HIP1: variants seen among roughly 807,000 people sequenced by gnomAD.
The protein encoded by HIP1 is huntingtin interacting protein 1.
In HIP1, 65 loss-of-function variants were observed where a neutral mutation model predicts 147.6. The observed-to-expected ratio is 0.44, with a 90% CI of 0.36 to 0.54. The LOEUF (loss-of-function observed/expected upper bound fraction) is 0.54, where lower values mean the gene tolerates loss of function less well. Among genes scored for constraint, HIP1 ranks in the 20% least tolerant of loss-of-function variants. The pLI is 0.00. For synonymous variants in HIP1, 479 were observed against 504.0 expected (o/e 0.95, Z 0.67); for missense variants, 1,061 against 1,299.6 (o/e 0.82, Z 2.82).
intron 11 of HIP1, 39 bp downstream of exon 11, chr7:75,562,896 G>T: frequency 6.2e-7 from 1 of 1,610,008 alleles, no homozygotes; most frequent in South Asian, 1.1e-5. Flanking sequence ...ACTTGCAGGT[G>T]AGAGGAAAGG....
At position 75,549,670 on chromosome 7, in the gene HIP1, C is replaced by T. The variant is rs115757513; in HGVS notation, c.2296-669G>A. 6.5e-3 allele frequency among the ~76,000 whole-genome samples: 977 copies of T among 151,018 alleles called. 14 individuals carry two copies. Among genetic ancestry groups the T allele is most frequent in the African/African-American group, 0.023 (940 of 41,186 alleles). ...CAGGTGTAAGCCACCACACCTGGCC[C>T]TAATTTTTTATTTTTTTGAGACACA... On this transcript the variant is annotated intron_variant, in intron 22 of 30. Coordinates refer to ENST00000336926, the MANE Select transcript of HIP1 (RefSeq NM_005338.7).
chr7:75,614,213 C>T (rs988879931), intron 1 of HIP1, among the ~76,000 whole-genome samples: 1 of 152,176 alleles, frequency 6.6e-6, no homozygotes, highest in African/African-American at 2.4e-5. Flanking sequence ...CCACACCCAG[C>T]TAATTTTTGT....
chr7:75,697,067 T>C (rs1317856773), intron 1 of HIP1, among the ~76,000 whole-genome samples: 8 of 152,106 alleles, frequency 5.3e-5, no homozygotes, highest in African/African-American at 1.9e-4. Flanking sequence ...TATCCAGGCA[T>C]GCAGCCTAAG....
intron 1 of HIP1, among the ~76,000 whole-genome samples, chr7:75,640,380 G>A (rs534343085): frequency 1.3e-5 from 2 of 152,348 alleles, no homozygotes; most frequent in South Asian, 4.1e-4. Flanking sequence ...CCCAAGCCCA[G>A]AAGGGCTTCC....
intron 1 of HIP1, among the ~76,000 whole-genome samples, chr7:75,645,465 G>T (rs2117172988): frequency 1.3e-5 from 2 of 152,262 alleles, no homozygotes; most frequent in South Asian, 4.1e-4. Context: ...GACCTCAGGT[G>T]ATCTGCCTGC....
At chr7:75,552,864 A>AT (rs145931380) in intron 22 of HIP1, among the ~76,000 whole-genome samples, 21,407 of 144,706 alleles carry the variant, frequency 0.15, 1,703 homozygotes, top group East Asian at 0.23. Flanking sequence ...TCCTTTTTAA[A>AT]TTTTTTTTTT....
At chr7:75,613,863 G>A (rs1210486101) in intron 1 of HIP1, among the ~76,000 whole-genome samples, 1 of 151,928 alleles carries the variant, frequency 6.6e-6, no homozygotes, top group African/African-American at 2.4e-5. Flanking sequence ...CAGCTGAGAC[G>A]ACAGGTGCAT....
chr7:75,607,233 G>GTTTTT (rs375132943), intron 1 of HIP1, among the ~76,000 whole-genome samples: 15 of 135,038 alleles, frequency 1.1e-4, no homozygotes, highest in African/African-American at 2.8e-4. Flanking sequence ...TTTTTGTTTT[G>GTTTTT]TTTTTTTTTT....
chr7:75,612,315 G>A (rs1267670669), intron 1 of HIP1, among the ~76,000 whole-genome samples: 1 of 152,160 alleles, frequency 6.6e-6, no homozygotes. Context: ...CTCCAGACCA[G>A]CCTGGCCGAC....
At chr7:75,565,785 G>A (rs794358) in intron 9 of HIP1, among the ~76,000 whole-genome samples, 54,826 of 149,380 alleles carry the variant, frequency 0.37, 11,160 homozygotes, top group Non-Finnish European at 0.43. Context: ...AAGCTGTAGT[G>A]CAGTGGCATG....
intron 5 of HIP1, among the ~76,000 whole-genome samples, chr7:75,584,593 T>C (rs1258570210): frequency 6.6e-6 from 1 of 152,088 alleles, no homozygotes; most frequent in Non-Finnish European, 1.5e-5. Context: ...TGCCCTTCCA[T>C]GCTATTAAAA....
intron 1 of HIP1, among the ~76,000 whole-genome samples, chr7:75,713,701 AT>A (rs10685090): frequency 1.2e-3 from 175 of 146,012 alleles, no homozygotes; most frequent in African/African-American, 3.3e-3. Context: ...GTGACATGCC[AT>A]TTTTTTTTTT....
At chr7:75,628,475 C>CTTTTTT (rs71098044) in intron 1 of HIP1, among the ~76,000 whole-genome samples, 3 of 132,632 alleles carry the variant, frequency 2.3e-5, no homozygotes, top group Non-Finnish European at 3.1e-5. Context: ...TCCTGTACCT[C>CTTTTTT]TTTTTTTTTT....
At chr7:75,565,089 G>A (rs1343426840) in intron 9 of HIP1, among the ~76,000 whole-genome samples, 2 of 152,154 alleles carry the variant, frequency 1.3e-5, no homozygotes, top group African/African-American at 4.8e-5. Context: ...CCTTTGGCCT[G>A]CAACAATGAA....
chr7:75,664,323 C>CATATAT (rs1799468319), intron 1 of HIP1, among the ~76,000 whole-genome samples: 1 of 142,172 alleles, frequency 7.0e-6, no homozygotes, highest in Non-Finnish European at 1.5e-5. Flanking sequence ...TGTATACATA[C>CATATAT]ACATGCATAT....
rs1554494878 is a variant in HIP1 at position 75,563,034 on chromosome 7, A to G, written c.921T>C (p.His307=). The G allele has an allele frequency of 6.2e-7, 1 of 1,614,118 alleles. No homozygotes were observed. The highest frequency in any genetic ancestry group is 1.7e-5 in the Admixed American group (1 of 60,002). ...NFLRASALSE[H]ISPVVVIPAE... ...CAGGGATCACCACCACAGGGCTGATATGTTCTGACAGGGCTGAGGCTCGCA... is the reference window on the plus strand; with the variant it reads ...CAGGGATCACCACCACAGGGCTGATGTGTTCTGACAGGGCTGAGGCTCGCA... The change falls in exon 11 of 31, where the codon CAT becomes CAC. Residue 307 remains histidine (H), a synonymous_variant. Transcript: ENST00000336926.
chr7:75,638,816 C>T (rs1288820017), intron 1 of HIP1, among the ~76,000 whole-genome samples: 2 of 152,178 alleles, frequency 1.3e-5, no homozygotes, highest in Non-Finnish European at 2.9e-5. Context: ...CGCGATCTCC[C>T]GGGCAGCCCG....
intron 1 of HIP1, among the ~76,000 whole-genome samples, chr7:75,738,140 C>T (rs1802085024): frequency 1.3e-5 from 2 of 152,190 alleles, no homozygotes; most frequent in Non-Finnish European, 2.9e-5. Flanking sequence ...AGTCAGGGCT[C>T]AGGGGCACCA....
chr7:75,667,189 T>G (rs1159222620), intron 1 of HIP1, among the ~76,000 whole-genome samples: 1 of 152,078 alleles, frequency 6.6e-6, no homozygotes, highest in Non-Finnish European at 1.5e-5. Flanking sequence ...ATCAAAGACA[T>G]TCTATAAAAA....
Sources: gnomAD v4.1 joint callset for allele counts (sites outside exome capture counted in the v4.1 genomes callset) on GRCh38, gnomAD v4.1.1 for gene constraint, MANE v1.5 for transcripts, NCBI Gene and HGNC (gene_info 2026-07-23, HGNC 2026-07-21) for gene names.